The following BBX variants were observed in gnomAD, a reference collection of about 807,000 sequenced individuals.
BBX encodes BBX high mobility group box domain containing.
A neutral mutation model predicts 100.2 loss-of-function variants in BBX; 30 were observed. That is an observed-to-expected ratio of 0.30 (90% CI 0.22 to 0.41). BBX has a LOEUF of 0.41. Among genes scored for constraint, BBX ranks in the 10% least tolerant of loss-of-function variants. The probability of loss-of-function intolerance (pLI) is 1.00; values close to 1 mark genes in which losing one functional copy is unlikely to be tolerated. For missense variants in BBX, 1,023 were observed against 1,129.8 expected, an observed-to-expected ratio of 0.91 and a Z score of 1.35; for synonymous variants, 376 against 388.1, an observed-to-expected ratio of 0.97 and a Z score of 0.37.
intron 4 of BBX, among the ~76,000 whole-genome samples, chr3:107,715,437 C>T (rs746923515): frequency 6.6e-6 from 1 of 152,170 alleles, no homozygotes; most frequent in Non-Finnish European, 1.5e-5. Flanking sequence ...TCCAAAAATT[C>T]GAAACACTTC....
At chr3:107,575,276 T>G (rs902650381) in intron 2 of BBX, among the ~76,000 whole-genome samples, 22 of 152,252 alleles carry the variant, frequency 1.4e-4, no homozygotes, top group Non-Finnish European at 1.5e-5. Context: ...ATGGACTGTT[T>G]AGTTGTTTAC....
chr3:107,671,791 G>A (rs967158577), intron 3 of BBX, among the ~76,000 whole-genome samples: 6 of 152,048 alleles, frequency 3.9e-5, no homozygotes, highest in Non-Finnish European at 7.4e-5. Context: ...GTGTTGATGA[G>A]TCTCTGACAT....
chr3:107,584,119 A>G (rs865985524), intron 2 of BBX, among the ~76,000 whole-genome samples: 307 of 25,666 alleles, frequency 0.012, 44 homozygotes, highest in African/African-American at 0.04. Flanking sequence ...TATTATATAT[A>G]ATATATATAT....
rs144429160 is a variant in BBX, at chr3:107,656,336, A to C, written c.-10+10427A>C. Among the ~76,000 whole-genome samples the C allele has an allele frequency of 8.8e-3, 1,337 of 152,308 alleles. 13 individuals carry two copies. The highest frequency in any genetic ancestry group is 0.014 in the Non-Finnish European group (981 of 68,022). On this transcript the variant is annotated intron_variant, in intron 3 of 17. Transcript: ENST00000325805. ...TTGAATATCTCTCAACAATTAATAT[A>C]TCTAAACTTGTTTTCAAGGTATTTT...
At position 107,644,673 on chromosome 3, in the gene BBX, C is replaced by G. The variant is rs532023740; in HGVS notation, c.-83-1163C>G. Among the ~76,000 whole-genome samples the G allele has an allele frequency of 3.3e-5, 5 of 152,212 alleles. No individual in the cohort carries two copies. In the East Asian group the frequency reaches 5.8e-4, roughly 18 times the overall value. ...TTGACTTGAAAGTATTCATATGTGTCCTTTATAGTTTGCTTCAAAGATCTG... is the reference window on the plus strand; with the variant it reads ...TTGACTTGAAAGTATTCATATGTGTGCTTTATAGTTTGCTTCAAAGATCTG... On this transcript the variant is annotated intron_variant, in intron 2 of 17. Transcript: ENST00000325805.
intron 3 of BBX, among the ~76,000 whole-genome samples, chr3:107,702,809 G>C (rs1376257102): frequency 6.6e-6 from 1 of 152,174 alleles, no homozygotes; most frequent in Non-Finnish European, 1.5e-5. Flanking sequence ...TTTAGAAATG[G>C]ATGTTCAGAG....
At chr3:107,628,012 G>T (rs1205536707) in intron 2 of BBX, among the ~76,000 whole-genome samples, 1 of 151,892 alleles carries the variant, frequency 6.6e-6, no homozygotes, top group Admixed American at 6.6e-5. Context: ...ATTACATCTG[G>T]TTATTTGTGA....
At chr3:107,659,299 A>T (rs1559930132) in intron 3 of BBX, among the ~76,000 whole-genome samples, 4 of 151,776 alleles carry the variant, frequency 2.6e-5, no homozygotes, top group Admixed American at 6.6e-5. Context: ...TCATCAATTC[A>T]ACTTAATTTT....
intron 3 of BBX, among the ~76,000 whole-genome samples, chr3:107,673,505 A>G (rs1352941833): frequency 1.3e-5 from 2 of 152,128 alleles, no homozygotes. Context: ...CACAGGAATC[A>G]TATTGTTTCC....
chr3:107,667,871 G>T (rs1472209984), intron 3 of BBX, among the ~76,000 whole-genome samples: 1 of 152,074 alleles, frequency 6.6e-6, no homozygotes, highest in East Asian at 1.9e-4. Context: ...TATTCATTTT[G>T]TCTCGTAGTT....
At position 107,685,232 on chromosome 3, in the gene BBX, A is replaced by G. The variant is rs536514108; in HGVS notation, c.-9-25220A>G. ...GCCCATCTGATAGGAGACAGTATCC[A>G]TGAGAGTAGACACTGATTTGTCAGT... On this transcript the variant is annotated intron_variant, in intron 3 of 17. Transcript: ENST00000325805. Among the ~76,000 whole-genome samples, 109 of 152,328 alleles carry G rather than the reference A, an allele frequency of 7.2e-4. 1 individual carries two copies. Among genetic ancestry groups the G allele is most frequent in the Non-Finnish European group, 1.2e-3 (85 of 68,036 alleles).
At position 107,710,457 on chromosome 3, in the gene BBX, A is replaced by T. The variant is rs564577147; in HGVS notation, c.-4A>T. 2 of 1,610,586 alleles carry T rather than the reference A, an allele frequency of 1.2e-6. No individual in the cohort carries two copies. The highest frequency in any genetic ancestry group is 2.2e-5 in the East Asian group (1 of 44,788). Reference sequence around the variant, plus strand: ...TCTCTCTCTTCCTATTACAGGTCACAGTAATGAAAGGCAGTAATAGAAATA... The same window carrying T: ...TCTCTCTCTTCCTATTACAGGTCACTGTAATGAAAGGCAGTAATAGAAATA... On this transcript the variant is annotated 5_prime_UTR_variant, in exon 4 of 18. Coordinates refer to ENST00000325805, the MANE Select transcript of BBX (RefSeq NM_001142568.3).
In BBX at chr3:107,772,764, C is replaced by G. The variant is rs748639341; in HGVS notation, c.1043C>G (p.Thr348Ser). 1.4e-5 allele frequency: 22 copies of G among 1,612,924 alleles called. No homozygotes were observed. The highest frequency in any genetic ancestry group is 1.8e-5 in the Non-Finnish European group (21 of 1,179,722). The change falls in exon 11 of 18, where the codon ACT (threonine) becomes AGT (serine). Residue 348 changes from threonine to serine, a missense_variant. Physicochemically the swap from Thr to Ser is moderately conservative, Grantham distance 58 (BLOSUM62 1). Coordinates refer to ENST00000325805, the MANE Select transcript of BBX (RefSeq NM_001142568.3). ...KEIKMEKTDE[T>S]RLQKEAEFEK... Reference sequence around the variant, plus strand: ...ATTAAAATGGAGAAAACAGATGAAACTAGGTTACAGAAGGAAGCAGAATTT... The same window carrying G: ...ATTAAAATGGAGAAAACAGATGAAAGTAGGTTACAGAAGGAAGCAGAATTT...
intron 2 of BBX, among the ~76,000 whole-genome samples, chr3:107,572,251 G>A (rs1444327267): frequency 6.6e-6 from 1 of 152,222 alleles, no homozygotes; most frequent in East Asian, 1.9e-4. Context: ...CTATATTCAC[G>A]TAATCCTTTC....
rs559125863 is a variant in BBX, at chr3:107,616,425, AGTTTTTGTTTTT to A, written c.-83-29399_-83-29388del. Among the ~76,000 whole-genome samples, 1,303 of 152,148 alleles carry A rather than the reference AGTTTTTGTTTTT, an allele frequency of 8.6e-3. 24 individuals carry two copies. Among genetic ancestry groups the A allele is most frequent in the African/African-American group, 0.03 (1,239 of 41,518 alleles). On this transcript the variant is annotated intron_variant, in intron 2 of 17. Coordinates refer to ENST00000325805, the MANE Select transcript of BBX (RefSeq NM_001142568.3). ...AGATTCTTATAATAGGTGCATATTC[AGTTTTTGTTTTT>A]GTTTTTGTTTTAAAGAAACTTCCAA... is the stretch of plus-strand genomic sequence containing the variant.
At chr3:107,728,732 A>G in intron 5 of BBX, 33 bp from the exon 6 acceptor site, 2 of 1,566,322 alleles carry the variant, frequency 1.3e-6, no homozygotes, top group Non-Finnish European at 1.7e-6. Flanking sequence ...CTATTTGTTA[A>G]TTAAAATCTG....
intron 9 of BBX, among the ~76,000 whole-genome samples, chr3:107,750,937 T>C (rs1441098091): frequency 6.6e-6 from 1 of 152,226 alleles, no homozygotes; most frequent in African/African-American, 2.4e-5. Context: ...CACAGTCACC[T>C]AGAAGGCTGT....
At chr3:107,758,305 A>G (rs1277213244) in intron 10 of BBX, among the ~76,000 whole-genome samples, 2 of 152,222 alleles carry the variant, frequency 1.3e-5, no homozygotes, top group Admixed American at 1.3e-4. Context: ...CAGGCAAAAA[A>G]GAAAACTGAA....
intron 2 of BBX, among the ~76,000 whole-genome samples, chr3:107,552,068 G>A (rs1047792724): frequency 3.9e-5 from 6 of 152,088 alleles, no homozygotes; most frequent in East Asian, 1.9e-4. Flanking sequence ...GGGGCTGGGC[G>A]CACTGGTTCA....
Sources: allele counts gnomAD v4.1 joint callset (sites outside exome capture counted in the v4.1 genomes callset), GRCh38; gene constraint gnomAD v4.1.1; transcripts MANE v1.5; gene names NCBI Gene and HGNC (gene_info 2026-07-23, HGNC 2026-07-21).